The following BRAF variants were observed in gnomAD, a reference collection of about 807,000 sequenced individuals.
BRAF encodes the protein B-Raf proto-oncogene, serine/threonine kinase.
A neutral mutation model predicts 104.6 loss-of-function variants in BRAF; 16 were observed. The observed-to-expected ratio is 0.15, with a 90% CI of 0.10 to 0.23. The LOEUF (loss-of-function observed/expected upper bound fraction) is 0.23, where lower values mean the gene tolerates loss of function less well. Among genes scored for constraint, BRAF ranks in the 10% least tolerant of loss-of-function variants. The pLI is 1.00. For missense variants in BRAF, 541 were observed against 937.3 expected, an observed-to-expected ratio of 0.58 and a Z score of 5.52; for synonymous variants, 310 against 341.6, an observed-to-expected ratio of 0.91 and a Z score of 1.02.
At chr7:140,764,483 A>C (rs1414526770) in intron 14 of BRAF, among the ~76,000 whole-genome samples, 1 of 150,814 alleles carries the variant, frequency 6.6e-6, no homozygotes, top group Non-Finnish European at 1.5e-5. Flanking sequence ...AAGGGTATTC[A>C]ATTAGGAAAA....
chr7:140,735,770 C>G (rs181025353), intron 18 of BRAF, among the ~76,000 whole-genome samples: 186 of 152,188 alleles, frequency 1.2e-3, no homozygotes, highest in African/African-American at 4.4e-3. Context: ...GTTGGCCAGG[C>G]TGGTCTCAAA....
chr7:140,915,070 A>G lies in BRAF; in HGVS notation c.138+9496T>C, dbSNP rs866730026. ...TCTCCAAAAAAAAAAAAAAAAAAAA[A>G]CCATACCTACTTAAGACTTAATTAC... On this transcript the variant is annotated intron_variant, in intron 1 of 19. Transcript: ENST00000644969. Among the ~76,000 whole-genome samples the G allele has an allele frequency of 4.1e-3, 594 of 144,926 alleles. 5 individuals are homozygous for G. Among genetic ancestry groups the G allele is most frequent in the Middle Eastern group, 7.5e-3 (2 of 268 alleles).
At position 140,834,808 on chromosome 7, in the gene BRAF, G is replaced by A. The variant is rs774142136; in HGVS notation, c.305C>T (p.Ser102Phe). 2.5e-6 allele frequency: 4 copies of A among 1,614,022 alleles called. No individual in the cohort carries two copies. In the Admixed American group the frequency reaches 6.7e-5, roughly 27 times the overall value. Reference protein sequence around the residue: ...LQQREQQLLESLGNGTDFSVS... With the variant: ...LQQREQQLLEFLGNGTDFSVS... Reference sequence around the variant, plus strand: ...AGAAAAATCAGTTCCGTTCCCCAGAGATTCCAATAACTGTTGTTCTCTTTG... The same window carrying A: ...AGAAAAATCAGTTCCGTTCCCCAGAAATTCCAATAACTGTTGTTCTCTTTG... The change falls in exon 3 of 20, where the codon TCT (serine) becomes TTT (phenylalanine). Residue 102 changes from serine to phenylalanine, a missense_variant. This residue lies in a region of BRAF where 86 missense variants were observed against 133.9 expected (regional missense o/e 0.64). Transcript: ENST00000644969.
intron 14 of BRAF, among the ~76,000 whole-genome samples, chr7:140,755,373 A>C (rs372870369): frequency 1.1e-4 from 16 of 152,346 alleles, no homozygotes; most frequent in African/African-American, 3.6e-4. Context: ...CAAATGGTAT[A>C]ATCAAAATCA....
Position 140,723,897 on chromosome 7 carries a change from CAA to C in BRAF, c.*2595_*2596del, listed in dbSNP as rs34380112. On this transcript the variant is annotated 3_prime_UTR_variant, in exon 20 of 20. Transcript: ENST00000644969. ...GTAAGTCTAACTGTTGTCTAAGCATCAAAAAATAAAGCAGATAAAACACAAAT... is the reference window on the plus strand; with the variant it reads ...GTAAGTCTAACTGTTGTCTAAGCATCAAAATAAAGCAGATAAAACACAAAT... The C allele has an allele frequency of 9.6e-7, 1 of 1,044,936 alleles. No homozygotes were observed. The highest frequency in any genetic ancestry group is 1.2e-6 in the Non-Finnish European group (1 of 866,728). 64.7% of individuals were successfully genotyped at this position (1,044,936 alleles called of 1,614,324 possible). A position where few individuals can be genotyped will look rare whatever the true frequency, so the allele number is the denominator to read the frequency against.
intron 7 of BRAF, among the ~76,000 whole-genome samples, chr7:140,796,857 GA>G (rs1238245594): frequency 6.6e-6 from 1 of 152,110 alleles, no homozygotes; most frequent in Admixed American, 6.5e-5. Context: ...AAAGAAGAGT[GA>G]GTGGTGGCGC....
chr7:140,875,127 C>T (rs1812074199), intron 1 of BRAF, among the ~76,000 whole-genome samples: 1 of 152,040 alleles, frequency 6.6e-6, no homozygotes. Flanking sequence ...TATAGCAATT[C>T]AAGAATAGAG....
intron 4 of BRAF, chr7:140,808,448 A>G (rs1803888294): frequency 2.8e-6 from 1 of 354,436 alleles, no homozygotes; most frequent in Middle Eastern, 4.3e-4. Flanking sequence ...CATGCCCCCA[A>G]AATAATTTTT....
At chr7:140,855,367 G>C (rs1328548190) in intron 1 of BRAF, among the ~76,000 whole-genome samples, 1 of 151,970 alleles carries the variant, frequency 6.6e-6, no homozygotes, top group African/African-American at 2.4e-5. Flanking sequence ...CTCTTCAGTA[G>C]ACCACAGCTA....
intron 3 of BRAF, among the ~76,000 whole-genome samples, chr7:140,818,032 T>TA (rs59384670): frequency 0.12 from 16,955 of 147,010 alleles, 1,177 homozygotes; most frequent in South Asian, 0.2. Context: ...CCTTACAAAT[T>TA]AAAAAAAAAA....
chr7:140,869,387 C>T (rs1322687179), intron 1 of BRAF, among the ~76,000 whole-genome samples: 1 of 152,170 alleles, frequency 6.6e-6, no homozygotes, highest in African/African-American at 2.4e-5. Context: ...AATCCCAGCA[C>T]TTTGGGAGGC....
At chr7:140,832,285 G>A (rs563713188) in intron 3 of BRAF, among the ~76,000 whole-genome samples, 7 of 152,282 alleles carry the variant, frequency 4.6e-5, no homozygotes, top group African/African-American at 1.7e-4. Context: ...CTTTGTTCCT[G>A]AGTGTTCAGG....
chr7:140,782,432 T>C (rs1435690740), intron 11 of BRAF, among the ~76,000 whole-genome samples: 1 of 150,678 alleles, frequency 6.6e-6, no homozygotes, highest in East Asian at 1.9e-4. Context: ...GTGCTAAATT[T>C]CTTCATGTAT....
At chr7:140,790,050 G>A (rs1013305027) in intron 8 of BRAF, among the ~76,000 whole-genome samples, 2 of 152,282 alleles carry the variant, frequency 1.3e-5, no homozygotes, top group Admixed American at 1.3e-4. Context: ...TTAGTGCTGT[G>A]TATGATAACT....
chr7:140,872,036 G>A (rs1372492682), intron 1 of BRAF, among the ~76,000 whole-genome samples: 1 of 152,022 alleles, frequency 6.6e-6, no homozygotes, highest in Non-Finnish European at 1.5e-5. Context: ...GACCAACATG[G>A]TGAACCCCGT....
chr7:140,860,477 A>G (rs1310638703), intron 1 of BRAF, among the ~76,000 whole-genome samples: 1 of 147,812 alleles, frequency 6.8e-6, no homozygotes, highest in Non-Finnish European at 1.5e-5. Flanking sequence ...AAAAAAAAAA[A>G]AAAAGAAAAA....
intron 1 of BRAF, among the ~76,000 whole-genome samples, chr7:140,856,701 C>G (rs1011538447): frequency 6.6e-6 from 1 of 151,926 alleles, no homozygotes; most frequent in African/African-American, 2.4e-5. Context: ...ATGAAAGACA[C>G]GAAGCACAAA....
intron 19 of BRAF, among the ~76,000 whole-genome samples, chr7:140,727,006 G>GAA (rs1251014090): frequency 6.6e-6 from 1 of 152,106 alleles, no homozygotes; most frequent in East Asian, 1.9e-4. Flanking sequence ...GACAGAGAAA[G>GAA]AAAATCCAGA....
At chr7:140,831,713 T>C (rs1806773409) in intron 3 of BRAF, among the ~76,000 whole-genome samples, 1 of 152,186 alleles carries the variant, frequency 6.6e-6, no homozygotes, top group South Asian at 2.1e-4. Flanking sequence ...AAAATTTTTT[T>C]TGAATTCAGA....
Sources: allele counts gnomAD v4.1 joint callset (sites outside exome capture counted in the v4.1 genomes callset), GRCh38; gene constraint gnomAD v4.1.1; regional missense constraint gnomAD v4.1.1; transcripts MANE v1.5; gene names NCBI Gene and HGNC (gene_info 2026-07-23, HGNC 2026-07-21).